The following MYSM1 variants were observed in gnomAD, a reference collection of about 807,000 sequenced individuals.
MYSM1 encodes the protein Myb like, SWIRM and MPN domains 1.
Under a neutral mutation model 116.0 loss-of-function variants are expected in MYSM1, and 51 were observed. The observed-to-expected ratio is 0.44, with a 90% CI of 0.35 to 0.56. MYSM1 has a LOEUF of 0.56. Among genes scored for constraint, MYSM1 ranks in the 20% least tolerant of loss-of-function variants. The pLI is 0.00. For synonymous variants in MYSM1, 313 were observed against 315.2 expected, an observed-to-expected ratio of 0.99 and a Z score of 0.07; for missense variants, 900 against 974.9, an observed-to-expected ratio of 0.92 and a Z score of 1.02.
intron 12 of MYSM1, 94 bp downstream of exon 12, chr1:58,671,776 G>T: frequency 3.4e-6 from 3 of 889,512 alleles, no homozygotes; most frequent in Admixed American, 3.1e-5. Flanking sequence ...TAAACTTAAT[G>T]TGAACAATAT....
At position 58,666,964 on chromosome 1, in the gene MYSM1, AAAGTTT is replaced by A. The variant is rs142623285; in HGVS notation, c.2031+68_2031+73del. ...TAGAAATGTAATATGAAAAATGTTT[AAAGTTT>A]ATCTATTTAAAAGGGAGCATTGAGG... On this transcript the variant is annotated intron_variant, in intron 16 of 19. Coordinates refer to ENST00000472487, the MANE Select transcript of MYSM1 (RefSeq NM_001085487.3). 7.6e-3 allele frequency: 5,035 copies of A among 662,652 alleles called. 192 individuals are homozygous for A. In the African/African-American group the frequency reaches 0.085, roughly 11 times the overall value. 41.0% of individuals were successfully genotyped at this position (662,652 alleles called of 1,614,324 possible).
At chr1:58,666,782 G>C (rs1351839398) in intron 16 of MYSM1, among the ~76,000 whole-genome samples, 2 of 151,208 alleles carry the variant, frequency 1.3e-5, no homozygotes, top group East Asian at 1.9e-4. Context: ...GCTGAGGCAG[G>C]AGAATCACTT....
At chr1:58,665,370 A>T in intron 17 of MYSM1, 129 bp downstream of exon 17, 1 of 691,114 alleles carries the variant, frequency 1.4e-6, no homozygotes, top group Non-Finnish European at 2.3e-6. Context: ...GCACCCAAAT[A>T]ATGATTCCCT....
intron 7 of MYSM1, among the ~76,000 whole-genome samples, chr1:58,683,844 G>C (rs1644784289): frequency 6.6e-6 from 1 of 152,096 alleles, no homozygotes. Context: ...TAAGTATCCT[G>C]TCTATAATTT....
chr1:58,689,294 C>T, intron 5 of MYSM1, 178 bp from the exon 6 acceptor site: 1 of 540,014 alleles, frequency 1.9e-6, no homozygotes. Context: ...AGAGATTTAC[C>T]CTGTCACGTG....
intron 12 of MYSM1, among the ~76,000 whole-genome samples, chr1:58,670,036 C>T (rs914816752): frequency 2.0e-5 from 3 of 152,010 alleles, no homozygotes; most frequent in African/African-American, 4.8e-5. Flanking sequence ...GGAATACATT[C>T]GCATTAACAC....
chr1:58,662,730 T>C (rs1465808971), intron 17 of MYSM1, among the ~76,000 whole-genome samples: 1 of 152,044 alleles, frequency 6.6e-6, no homozygotes, highest in Non-Finnish European at 1.5e-5. Flanking sequence ...GTCAATATGC[T>C]CTAAAAAGGC....
At chr1:58,684,114 T>G (rs1413402172) in intron 7 of MYSM1, among the ~76,000 whole-genome samples, 2 of 152,142 alleles carry the variant, frequency 1.3e-5, no homozygotes, top group Non-Finnish European at 1.5e-5. Context: ...GTATGATGAA[T>G]CCATTCCATT....
chr1:58,680,997 T>C (rs879382075), intron 8 of MYSM1, among the ~76,000 whole-genome samples: 1 of 151,840 alleles, frequency 6.6e-6, no homozygotes, highest in East Asian at 1.9e-4. Flanking sequence ...AATATATATA[T>C]ATAGTTATTT....
intron 13 of MYSM1, 40 bp downstream of exon 13, chr1:58,668,944 G>A (rs376463791): frequency 8.1e-6 from 12 of 1,473,806 alleles, no homozygotes; most frequent in African/African-American, 1.4e-5. Context: ...ACGGGGAAGC[G>A]GGGATTGTCT....
intron 3 of MYSM1, among the ~76,000 whole-genome samples, chr1:58,691,539 T>C (rs543378698): frequency 2.6e-4 from 39 of 152,220 alleles, no homozygotes; most frequent in African/African-American, 8.7e-4. Context: ...GGAAACACTA[T>C]TTGCATGAAC....
intron 1 of MYSM1, among the ~76,000 whole-genome samples, chr1:58,697,564 T>C (rs1228719687): frequency 1.3e-5 from 2 of 151,642 alleles, no homozygotes; most frequent in African/African-American, 2.4e-5. Context: ...GACAGAATGG[T>C]AGAAGTAGAA....
chr1:58,661,553 T>A, intron 17 of MYSM1, 42 bp from the exon 18 acceptor site: 1 of 1,108,456 alleles, frequency 9.0e-7, no homozygotes, highest in Non-Finnish European at 1.4e-6. Flanking sequence ...AACTATTTCT[T>A]AACTCTCCAA....
At position 58,681,989 on chromosome 1, in the gene MYSM1, T is replaced by C. The variant is rs1240225868; in HGVS notation, c.1055A>G (p.Asp352Gly). The part of the protein sequence containing the change: ...EPCEIQKNLN[D>G]NEMLFHSCQM... ...GCAAGAATGAAAAAGCATTTCATTA[T>C]CATTCAAATTTTTCTGAATTTCACA... Residue 352 changes from aspartate to glycine, a missense_variant, in exon 8 of 20, where the codon GAT becomes GGT. This residue lies in a region of MYSM1 where 622 missense variants were observed against 623.7 expected (regional missense o/e 1.00). Transcript: ENST00000472487. 9 of 1,614,140 alleles carry C rather than the reference T, an allele frequency of 5.6e-6. No individual in the cohort carries two copies. Among genetic ancestry groups the C allele is most frequent in the Middle Eastern group, 1.6e-4 (1 of 6,062 alleles).
At chr1:58,678,832 T>G (rs538662436) in intron 8 of MYSM1, among the ~76,000 whole-genome samples, 1 of 151,970 alleles carries the variant, frequency 6.6e-6, no homozygotes, top group Admixed American at 6.5e-5. Flanking sequence ...CAAAGCAGAG[T>G]GAAAAGTCAG....
rs759142135 is a variant in MYSM1, at chr1:58,690,225, C to G, written c.320+1G>C. 5.1e-6 allele frequency: 8 copies of G among 1,555,112 alleles called. No homozygotes were observed. The highest frequency in any genetic ancestry group is 6.9e-6 in the Non-Finnish European group (8 of 1,152,632). On this transcript the variant is annotated splice_donor_variant, in intron 5 of 19. Coordinates refer to ENST00000472487, the MANE Select transcript of MYSM1 (RefSeq NM_001085487.3). LOFTEE classifies it high-confidence loss of function. ...TATAAATATAAAATATAAGTACATACATGATTTTTGCTGTTTTCTGCAGAC... is the reference window on the plus strand; with the variant it reads ...TATAAATATAAAATATAAGTACATAGATGATTTTTGCTGTTTTCTGCAGAC...
chr1:58,674,338 G>T (rs1267679505), intron 10 of MYSM1, among the ~76,000 whole-genome samples: 1 of 152,108 alleles, frequency 6.6e-6, no homozygotes, highest in African/African-American at 2.4e-5. Context: ...CAAATAATGA[G>T]AAATTACAAA....
intron 19 of MYSM1, 95 bp from the exon 20 acceptor site, chr1:58,660,250 C>T: frequency 1.5e-6 from 1 of 679,850 alleles, no homozygotes; most frequent in South Asian, 3.7e-5. Flanking sequence ...CCTCACATTT[C>T]CTAATGCTCA....
At chr1:58,663,562 C>T (rs185600960) in intron 17 of MYSM1, among the ~76,000 whole-genome samples, 58 of 152,304 alleles carry the variant, frequency 3.8e-4, no homozygotes, top group Admixed American at 1.4e-3. Flanking sequence ...AGATCTAATA[C>T]GCAGTGTTAA....
Sources: gnomAD v4.1 joint callset for allele counts (sites outside exome capture counted in the v4.1 genomes callset) on GRCh38, gnomAD v4.1.1 for gene constraint, gnomAD v4.1.1 regional missense constraint, MANE v1.5 for transcripts, NCBI Gene and HGNC (gene_info 2026-07-23, HGNC 2026-07-21) for gene names.